NCAPG2: variants seen among roughly 807,000 people sequenced by gnomAD.
NCAPG2 encodes the protein condensin-2 complex subunit G2.
In NCAPG2, 53 loss-of-function variants were observed where a neutral mutation model predicts 141.1. That is an observed-to-expected ratio of 0.38 (90% confidence interval 0.30 to 0.47). NCAPG2 has a LOEUF of 0.47. NCAPG2 is among the 20% of genes least tolerant of loss of function. NCAPG2 has a pLI of 0.99. For missense variants in NCAPG2, 1,087 were observed against 1,389.0 expected, an observed-to-expected ratio of 0.78 and a Z score of 3.46; for synonymous variants, 499 against 490.7, an observed-to-expected ratio of 1.02 and a Z score of -0.22.
intron 21 of NCAPG2, 149 bp downstream of exon 21, chr7:158,654,969 A>G: frequency 5.7e-6 from 7 of 1,226,102 alleles, no homozygotes; most frequent in Non-Finnish European, 7.7e-6. Flanking sequence ...GCTTTGCAAA[A>G]AGATAAACTA....
chr7:158,666,664 C>T lies in NCAPG2; in HGVS notation c.1480-1914G>A, dbSNP rs114403663. 8.5e-3 allele frequency among the ~76,000 whole-genome samples: 1,298 copies of T among 151,846 alleles called. 18 individuals carry two copies. The highest frequency in any genetic ancestry group is 0.029 in the African/African-American group (1,207 of 41,334). The stretch of plus-strand genomic sequence containing the variant: ...CTTATTGGCTGGGCACAGTGGCTCC[C>T]GCCTGTAGTCCCAGCAACTCAGGAG... On this transcript the variant is annotated intron_variant, in intron 13 of 27. Coordinates refer to ENST00000356309, the MANE Select transcript of NCAPG2 (RefSeq NM_017760.7).
At chr7:158,655,613 G>C (rs1758988375) in intron 19 of NCAPG2, among the ~76,000 whole-genome samples, 158 bp from the exon 20 acceptor site, 1 of 4,946 alleles carries the variant, frequency 2.0e-4, no homozygotes, top group Non-Finnish European at 4.0e-4. Flanking sequence ...CCGGACATGA[G>C]GTGCTGGGTG....
Position 158,658,343 on chromosome 7 carries a change from T to TG in NCAPG2, c.2054dup (p.Phe686IlefsTer42). 1 of 1,610,178 alleles carries TG rather than the reference T, an allele frequency of 6.2e-7. No homozygotes were observed. On this transcript the variant is annotated frameshift_variant, in exon 17 of 28. Transcript: ENST00000356309. LOFTEE classifies it high-confidence loss of function. ...CCAAAAAACAGAGCAAATACCTGAA[T>TG]GGGGGGACAGCAGAGGCCGGCATAA...
Position 158,650,869 on chromosome 7 carries a change from G to C in NCAPG2, c.3038C>G (p.Ala1013Gly), listed in dbSNP as rs762430227. 9 of 1,613,592 alleles carry C rather than the reference G, an allele frequency of 5.6e-6. No homozygotes were observed. The African/African-American group carries it at 1.2e-4, about 22-fold the overall frequency. ...VHRGVLSTLI[A>G]GPVVEISHQL... ...GTGACTTATCTCAACCACAGGCCCA[G>C]CGATCAGAGTAGAAAGTACACCCCG... The change falls in exon 24 of 28, where the codon GCT becomes GGT. Residue 1013 changes from alanine (A) to glycine (G), a missense_variant. By Grantham distance (60) the Ala-to-Gly change is moderately conservative. Coordinates refer to ENST00000356309, the MANE Select transcript of NCAPG2 (RefSeq NM_017760.7).
intron 8 of NCAPG2, 102 bp downstream of exon 8, chr7:158,686,070 A>G (rs1392954428): frequency 7.7e-6 from 5 of 650,154 alleles, no homozygotes; most frequent in Non-Finnish European, 1.3e-5. Flanking sequence ...TTATTTTGAC[A>G]GAGTGCATAA....
At chr7:158,647,014 C>G (rs73165308) in intron 24 of NCAPG2, among the ~76,000 whole-genome samples, 85,481 of 149,392 alleles carry the variant, frequency 0.57, 24,744 homozygotes, top group Non-Finnish European at 0.61. Flanking sequence ...GACAGAGCGA[C>G]ATCCTGTCTC....
At chr7:158,700,807 T>C (rs1395944161) in intron 2 of NCAPG2, among the ~76,000 whole-genome samples, 1 of 152,204 alleles carries the variant, frequency 6.6e-6, no homozygotes, top group African/African-American at 2.4e-5. Flanking sequence ...GTGAGACAAG[T>C]GTGCCAAGGG....
At position 158,665,974 on chromosome 7, in the gene NCAPG2, G is replaced by T. The variant is rs149571581; in HGVS notation, c.1480-1224C>A. ...GACAATAAGCCCAAATCCCACACGG[G>T]GCAGTTTACTCACATTCTAGCATTG... On this transcript the variant is annotated intron_variant, in intron 13 of 27. Coordinates refer to ENST00000356309, the MANE Select transcript of NCAPG2 (RefSeq NM_017760.7). 1.4e-4 allele frequency among the ~76,000 whole-genome samples: 21 copies of T among 148,492 alleles called. 1 individual carries two copies. The highest frequency in any genetic ancestry group is 4.7e-4 in the African/African-American group (19 of 40,008).
chr7:158,660,412 T>TC (rs1237800272), intron 16 of NCAPG2, among the ~76,000 whole-genome samples: 1 of 126,462 alleles, frequency 7.9e-6, no homozygotes, highest in East Asian at 2.2e-4. Flanking sequence ...TTTTTTTTTT[T>TC]TTTTTTTTTT....
intron 12 of NCAPG2, among the ~76,000 whole-genome samples, chr7:158,674,192 G>A (rs2129465668): frequency 6.6e-6 from 1 of 152,280 alleles, no homozygotes; most frequent in South Asian, 2.1e-4. Context: ...AGAAATGGGG[G>A]AGCCTCTGCC....
chr7:158,634,654 T>G (rs1423940441), intron 27 of NCAPG2, among the ~76,000 whole-genome samples: 3 of 152,170 alleles, frequency 2.0e-5, no homozygotes, highest in Non-Finnish European at 2.9e-5. Context: ...ATAAGCTAAC[T>G]GAGGCAAAAG....
Position 158,654,933 on chromosome 7 carries a change from A to T in NCAPG2, c.2646+185T>A, listed in dbSNP as rs991665956. ...AACACCTCTTATATGTAATGTATAA[A>T]ATTACACTGAAAGTATGCAGTTTAC... On this transcript the variant is annotated intron_variant, in intron 21 of 27. Transcript: ENST00000356309. 8.1e-6 allele frequency: 9 copies of T among 1,109,158 alleles called. No individual in the cohort carries two copies. The African/African-American group carries it at 9.5e-5, about 12-fold the overall frequency. 68.7% of individuals were successfully genotyped at this position (1,109,158 alleles called of 1,614,324 possible). A position where few individuals can be genotyped will look rare whatever the true frequency, so the allele number is the denominator to read the frequency against.
chr7:158,671,369 C>A (rs1293314766), intron 13 of NCAPG2, 145 bp downstream of exon 13: 1 of 1,084,398 alleles, frequency 9.2e-7, no homozygotes, highest in African/African-American at 1.6e-5. Flanking sequence ...TGATGAAAAA[C>A]ACAAAATAAC....
chr7:158,639,270 A>C (rs531695673), intron 27 of NCAPG2, among the ~76,000 whole-genome samples: 35 of 152,078 alleles, frequency 2.3e-4, no homozygotes, highest in African/African-American at 8.2e-4. Context: ...ACAATATCCA[A>C]CTAATTTCTA....
intron 23 of NCAPG2, among the ~76,000 whole-genome samples, chr7:158,652,026 T>C (rs150588520): frequency 1.2e-4 from 19 of 152,324 alleles, no homozygotes; most frequent in Middle Eastern, 3.4e-3. Context: ...TCTAAGACCA[T>C]TGGGTAGAAT....
chr7:158,698,518 T>A (rs1835592751), intron 2 of NCAPG2, among the ~76,000 whole-genome samples: 1 of 152,216 alleles, frequency 6.6e-6, no homozygotes, highest in South Asian at 2.1e-4. Flanking sequence ...TTCAGTACAG[T>A]AACATGCCAC....
chr7:158,673,002 G>T (rs1215747718), intron 12 of NCAPG2, among the ~76,000 whole-genome samples: 2 of 152,204 alleles, frequency 1.3e-5, no homozygotes, highest in Admixed American at 6.5e-5. Flanking sequence ...CCCTGCAAGG[G>T]TTTCCTCAGA....
chr7:158,670,242 A>G (rs1165945864), intron 13 of NCAPG2, among the ~76,000 whole-genome samples: 1 of 152,194 alleles, frequency 6.6e-6, no homozygotes, highest in East Asian at 1.9e-4. Context: ...CAAAACACAC[A>G]ACGTAATATG....
At chr7:158,635,272 G>A (rs1025564453) in intron 27 of NCAPG2, among the ~76,000 whole-genome samples, 1 of 151,886 alleles carries the variant, frequency 6.6e-6, no homozygotes, top group Non-Finnish European at 1.5e-5. Flanking sequence ...TAAAAAAAAA[G>A]ACTGTTAAAA....
Sources: gnomAD v4.1 joint callset for allele counts (sites outside exome capture counted in the v4.1 genomes callset) on GRCh38, gnomAD v4.1.1 for gene constraint, MANE v1.5 for transcripts, NCBI Gene and HGNC (gene_info 2026-07-23, HGNC 2026-07-21) for gene names.